PLCG2: variants seen among roughly 807,000 people sequenced by gnomAD.
PLCG2 encodes the protein phospholipase C gamma 2, also known as 1-phosphatidylinositol 4,5-bisphosphate phosphodiesterase gamma-2.
In PLCG2, 69 loss-of-function variants were observed where a neutral mutation model predicts 175.6. The observed-to-expected ratio is 0.39, with a 90% CI of 0.32 to 0.48. PLCG2 has a LOEUF of 0.48. Ranked by LOEUF, PLCG2 falls within the 20% of genes least tolerant of loss-of-function variation. The probability of loss-of-function intolerance (pLI) is 0.91; values close to 1 mark genes in which losing one functional copy is unlikely to be tolerated. For synonymous variants in PLCG2, 827 were observed against 624.0 expected (o/e 1.33, Z -4.85); for missense variants, 1,798 against 1,650.9 (o/e 1.09, Z -1.54).
intron 13 of PLCG2, 27 bp from the exon 14 acceptor site, chr16:81,900,585 G>A (rs755771158): frequency 9.6e-6 from 15 of 1,569,298 alleles, no homozygotes; most frequent in Non-Finnish European, 1.3e-5. Flanking sequence ...TCCCCCTGCC[G>A]AGCTGCCCAC....
intron 2 of PLCG2, among the ~76,000 whole-genome samples, chr16:81,817,722 G>A (rs751370549): frequency 6.6e-6 from 1 of 152,206 alleles, no homozygotes; most frequent in African/African-American, 2.4e-5. Context: ...CCAGACTCAA[G>A]CGACCCCCAT....
rs762012909 is a variant in PLCG2 at position 81,907,715 on chromosome 16, G to A, written c.1498G>A (p.Asp500Asn). Reference sequence around the variant, plus strand: ...GACTCGGCACTACTGCGCCATTGCCGATGCCAAGCTGTCCTTCAGTGATGA... The same window carrying A: ...GACTCGGCACTACTGCGCCATTGCCAATGCCAAGCTGTCCTTCAGTGATGA... ...KWTRHYCAIADAKLSFSDDIE... is the reference protein window; with the variant it reads ...KWTRHYCAIANAKLSFSDDIE... Residue 500 changes from aspartate (D) to asparagine (N), a missense_variant, in exon 16 of 33, where the codon GAT becomes AAT. Coordinates refer to ENST00000564138, the MANE Select transcript of PLCG2 (RefSeq NM_002661.5). 1 of 1,614,020 alleles carries A rather than the reference G, an allele frequency of 6.2e-7. No individual in the cohort carries two copies. Among genetic ancestry groups the A allele is most frequent in the Non-Finnish European group, 8.5e-7 (1 of 1,179,886 alleles).
chr16:81,869,273 C>T lies in PLCG2; in HGVS notation c.539C>T (p.Ala180Val), dbSNP rs780839015. The T allele has an allele frequency of 4.3e-6, 7 of 1,613,208 alleles. No homozygotes were observed. Among genetic ancestry groups the T allele is most frequent in the Non-Finnish European group, 5.1e-6 (6 of 1,179,148 alleles). ...LPLINFKVSSAKFLKDKFVEI... is the reference protein window; with the variant it reads ...LPLINFKVSSVKFLKDKFVEI... ...CTGATCAACTTTAAAGTGAGCAGTGCCAAGTTCCTTAAAGATAAGTTTGTG... is the reference window on the plus strand; with the variant it reads ...CTGATCAACTTTAAAGTGAGCAGTGTCAAGTTCCTTAAAGATAAGTTTGTG... The change falls in exon 6 of 33, where the codon GCC becomes GTC. Residue 180 changes from alanine (A) to valine (V), a missense_variant. By Grantham distance (64) the Ala-to-Val change is moderately conservative (BLOSUM62 0). Transcript: ENST00000564138.
intron 1 of PLCG2, among the ~76,000 whole-genome samples, chr16:81,745,690 A>G (rs1269457689): frequency 6.6e-6 from 1 of 152,230 alleles, no homozygotes; most frequent in Non-Finnish European, 1.5e-5. Flanking sequence ...GGTTAGGTCT[A>G]GAATGCCAAT....
At chr16:81,778,488 T>C (rs1433252725), upstream of PLCG2, among the ~76,000 whole-genome samples, 3 of 152,152 alleles carry the variant, frequency 2.0e-5, no homozygotes, top group Admixed American at 6.5e-5. Flanking sequence ...TCAAAGAGCA[T>C]AGGAAGGGTT....
chr16:81,937,935 G>T (rs185070425), intron 28 of PLCG2, 32 bp downstream of exon 28: 1 of 1,610,962 alleles, frequency 6.2e-7, no homozygotes, highest in African/African-American at 1.3e-5. Context: ...TGCCAGGGGA[G>T]CCAGCCGCCC....
chr16:81,889,480 G>T (rs764816892), intron 10 of PLCG2: 4 of 484,524 alleles, frequency 8.3e-6, no homozygotes, highest in Non-Finnish European at 1.5e-5. Context: ...TGCCCAGTGG[G>T]TTCATTTTGC....
intron 7 of PLCG2, among the ~76,000 whole-genome samples, chr16:81,871,295 C>T (rs1907502499): frequency 6.6e-6 from 1 of 152,168 alleles, no homozygotes; most frequent in African/African-American, 2.4e-5. Context: ...TATTAATAGC[C>T]ATCTCCAGAT....
chr16:81,831,241 G>A (rs935885010), intron 2 of PLCG2, among the ~76,000 whole-genome samples: 2 of 152,062 alleles, frequency 1.3e-5, no homozygotes, highest in African/African-American at 2.4e-5. Context: ...GTAATTCTTC[G>A]AGGCCAGGAA....
chr16:81,904,437 C>G (rs1909277705), intron 14 of PLCG2, among the ~76,000 whole-genome samples: 2 of 152,216 alleles, frequency 1.3e-5, no homozygotes, highest in African/African-American at 4.8e-5. Context: ...CAGGTGTCAT[C>G]ACTGTCTTAA....
intron 13 of PLCG2, among the ~76,000 whole-genome samples, chr16:81,896,249 C>T (rs1908881155): frequency 6.6e-6 from 1 of 152,144 alleles, no homozygotes. Flanking sequence ...GAGGGAAAGG[C>T]TGGGCGCAGT....
intron 7 of PLCG2, among the ~76,000 whole-genome samples, chr16:81,874,126 T>C (rs7189106): frequency 0.54 from 81,842 of 152,104 alleles, 22,854 homozygotes; most frequent in Middle Eastern, 0.63. Context: ...GGTTTAAATA[T>C]GTTAAAAATT....
chr16:81,953,836 C>A (rs1597155344), intron 31 of PLCG2, among the ~76,000 whole-genome samples: 1 of 152,076 alleles, frequency 6.6e-6, no homozygotes, highest in African/African-American at 2.4e-5. Flanking sequence ...AATATTTTGG[C>A]ACTCAGGAAA....
intron 29 of PLCG2, 81 bp from the exon 30 acceptor site, chr16:81,939,811 A>C: frequency 4.5e-6 from 4 of 897,314 alleles, no homozygotes. Flanking sequence ...AAGGGGATTC[A>C]CAGCTGAAGG....
At position 81,818,583 on chromosome 16, in the gene PLCG2, G is replaced by C. The variant is rs143650265; in HGVS notation, c.193+32401G>C. 5.5e-4 allele frequency among the ~76,000 whole-genome samples: 84 copies of C among 152,164 alleles called. 1 individual carries two copies. The highest frequency in any genetic ancestry group is 1.9e-3 in the African/African-American group (80 of 41,506). ...GCTTCAGGAATTATCTGCTTGGTGGGGGCTGTGTTTCTGGAGGCTTCAGTG... is the reference window on the plus strand; with the variant it reads ...GCTTCAGGAATTATCTGCTTGGTGGCGGCTGTGTTTCTGGAGGCTTCAGTG... On this transcript the variant is annotated intron_variant, in intron 2 of 32. Transcript: ENST00000564138.
chr16:81,751,908 GCTA>G (rs1220043681), intron 1 of PLCG2, among the ~76,000 whole-genome samples: 4 of 152,006 alleles, frequency 2.6e-5, no homozygotes. Flanking sequence ...TGTAATCTTA[GCTA>G]CTCGGGAGGC....
chr16:81,938,450 C>T, intron 28 of PLCG2: 1 of 300,886 alleles, frequency 3.3e-6, no homozygotes, highest in Non-Finnish European at 6.2e-6. Context: ...GAATGCCACA[C>T]TGTTCCTCAG....
At chr16:81,946,075 C>A in intron 30 of PLCG2, 100 bp from the exon 31 acceptor site, 1 of 859,802 alleles carries the variant, frequency 1.2e-6, no homozygotes, top group Non-Finnish European at 2.0e-6. Context: ...ACTTCTCTAC[C>A]CTTTGAACTA....
intron 19 of PLCG2, among the ~76,000 whole-genome samples, chr16:81,914,003 C>T (rs950898323): frequency 6.6e-6 from 1 of 152,244 alleles, no homozygotes. Flanking sequence ...AAGAGGGTGA[C>T]CTGGGCTTCT....
Sources: gnomAD v4.1 joint callset for allele counts (sites outside exome capture counted in the v4.1 genomes callset) on GRCh38, gnomAD v4.1.1 for gene constraint, MANE v1.5 for transcripts, NCBI Gene and HGNC (gene_info 2026-07-23, HGNC 2026-07-21) for gene names.